Variants in DNAH3 observed in about 807,000 individuals in gnomAD.
The protein encoded by DNAH3 is dynein axonemal heavy chain 3.
Under a neutral mutation model 432.5 loss-of-function variants are expected in DNAH3, and 332 were observed. That is an observed-to-expected ratio of 0.77 (90% CI 0.70 to 0.84). The LOEUF (loss-of-function observed/expected upper bound fraction) is 0.84, where lower values mean the gene tolerates loss of function less well. Among genes scored for constraint, DNAH3 ranks in the 40% least tolerant of loss-of-function variants. The probability of loss-of-function intolerance (pLI) is 0.00; values close to 1 mark genes in which losing one functional copy is unlikely to be tolerated. For missense variants in DNAH3, 4,861 were observed against 5,114.0 expected, an observed-to-expected ratio of 0.95 and a Z score of 1.51; for synonymous variants, 1,956 against 1,900.2, an observed-to-expected ratio of 1.03 and a Z score of -0.76.
chr16:20,976,293 A>C (rs180762013), intron 50 of DNAH3, among the ~76,000 whole-genome samples: 95 of 151,996 alleles, frequency 6.3e-4, no homozygotes, highest in African/African-American at 2.2e-3. Context: ...CCTGGGTTCA[A>C]GCAATTCTCC....
At position 20,976,023 on chromosome 16, in the gene DNAH3, G is replaced by C. The variant is rs914441900; in HGVS notation, c.8077-608C>G. 2.0e-5 allele frequency among the ~76,000 whole-genome samples: 3 copies of C among 152,052 alleles called. No homozygotes were observed. In the East Asian group the frequency reaches 5.8e-4, roughly 29 times the overall value. ...GCCTCCCGAAGTGCTGGGATTACAG[G>C]CATGAGCCACCACGCCCGGCCAAGA... On this transcript the variant is annotated intron_variant, in intron 50 of 61. Coordinates refer to ENST00000261383, the Ensembl canonical transcript of DNAH3.
chr16:21,080,830 G>C (rs747512342), intron 20 of DNAH3, among the ~76,000 whole-genome samples: 1 of 152,210 alleles, frequency 6.6e-6, no homozygotes, highest in Non-Finnish European at 1.5e-5. Context: ...CTCTGTTCTA[G>C]AGGTAGCATC....
In DNAH3 at chr16:20,985,399, G is replaced by A. The variant is rs539642203; in HGVS notation, c.7343C>T (p.Thr2448Ile). Residue 2448 changes from threonine (T) to isoleucine (I), a missense_variant, in exon 48 of 62, where the codon ACA (threonine) becomes ATA (isoleucine). Transcript: ENST00000261383. ...GTATAGCTCGTATGCGTTCATGAAT[G>A]TGGACAGTTTGGCGGCACTTTGCCG... is the stretch of plus-strand genomic sequence containing the variant. 240 of 1,614,172 alleles carry A rather than the reference G, an allele frequency of 1.5e-4. 4 individuals are homozygous for A. In the South Asian group the frequency reaches 2.6e-3, roughly 17 times the overall value.
chr16:21,082,845 A>T lies in DNAH3; in HGVS notation c.2878-1118T>A, dbSNP rs68183019. The stretch of plus-strand genomic sequence containing the variant: ...TCCATCTCAAAAAAAAAAAAAAATT[A>T]ACACAAATGGCTCACGTTATATTTG... On this transcript the variant is annotated intron_variant, in intron 19 of 61. Transcript: ENST00000261383. Among the ~76,000 whole-genome samples the T allele has an allele frequency of 1.9e-3, 60 of 31,908 alleles. 1 individual carries two copies. Among genetic ancestry groups the T allele is most frequent in the East Asian group, 4.1e-3 (4 of 980 alleles). The allele number at this position is 31,908 out of a possible 152,430, so 20.9% of individuals were successfully genotyped here.
chr16:21,107,044 T>C (rs569703856), intron 14 of DNAH3, among the ~76,000 whole-genome samples: 1 of 152,032 alleles, frequency 6.6e-6, no homozygotes, highest in South Asian at 2.1e-4. Flanking sequence ...AGTAACATTA[T>C]CGAAAGCAAC....
In DNAH3 at chr16:21,026,455, C is replaced by T. The variant is rs888538630; in HGVS notation, c.5540+572G>A. On this transcript the variant is annotated intron_variant, in intron 38 of 61. Transcript: ENST00000261383. ...ACGGTGGCTCATGCCTGTAATTCCA[C>T]ACTTTGGGAGGCTGAGGCAGGCAGA... is the stretch of plus-strand genomic sequence containing the variant. Among the ~76,000 whole-genome samples the T allele has an allele frequency of 2.6e-5, 4 of 152,074 alleles. No individual in the cohort carries two copies. The South Asian group carries it at 6.2e-4, about 24-fold the overall frequency.
exon 45 of DNAH3, chr16:20,987,961 A>T: frequency 6.2e-7 from 1 of 1,614,028 alleles, no homozygotes; most frequent in Non-Finnish European, 8.5e-7. Context: ...ATCACATCAA[A>T]CCCTTTCCCG....
intron 1 of DNAH3, among the ~76,000 whole-genome samples, chr16:21,157,292 G>A (rs1184878016): frequency 6.6e-6 from 1 of 150,584 alleles, no homozygotes; most frequent in Admixed American, 6.6e-5. Flanking sequence ...GACAGCCACA[G>A]CCACACTATT....
At chr16:21,062,778 G>A (rs904835544) in intron 24 of DNAH3, 95 bp from the exon 25 acceptor site, 2 of 887,876 alleles carry the variant, frequency 2.3e-6, no homozygotes, top group African/African-American at 3.4e-5. Flanking sequence ...GCACCTACGT[G>A]AATACCAGTT....
chr16:21,005,591 C>T (rs1234538052), intron 41 of DNAH3, among the ~76,000 whole-genome samples: 3 of 151,958 alleles, frequency 2.0e-5, no homozygotes, highest in African/African-American at 7.3e-5. Context: ...GTTGCCCAGG[C>T]TGGTCTCAAA....
At chr16:20,978,998 C>CT (rs1245182423) in intron 50 of DNAH3, among the ~76,000 whole-genome samples, 1 of 151,718 alleles carries the variant, frequency 6.6e-6, no homozygotes, top group African/African-American at 2.4e-5. Flanking sequence ...TGCCCAGGTC[C>CT]CCATAAGGTG....
At chr16:20,954,974 T>C (rs770237103) in exon 55 of DNAH3, 18 of 1,614,032 alleles carry the variant, frequency 1.1e-5, no homozygotes, top group Admixed American at 6.7e-5. Context: ...CCGGAGCCCT[T>C]TGGGGGGCTC....
At chr16:21,155,291 GTTAAAT>G (rs1234307797) in intron 1 of DNAH3, among the ~76,000 whole-genome samples, 2 of 151,594 alleles carry the variant, frequency 1.3e-5, no homozygotes, top group Non-Finnish European at 2.9e-5. Flanking sequence ...AAGGTGCCCA[GTTAAAT>G]TAGAGTTTCA....
intron 24 of DNAH3, 101 bp downstream of exon 24, chr16:21,067,182 T>G (rs1463306802): frequency 1.6e-6 from 2 of 1,269,596 alleles, no homozygotes; most frequent in East Asian, 4.6e-5. Flanking sequence ...GGAAAGAGTA[T>G]GGACTAGATT....
chr16:21,106,409 C>T, intron 15 of DNAH3, 81 bp downstream of exon 15: 1 of 1,115,628 alleles, frequency 9.0e-7, no homozygotes, highest in Non-Finnish European at 1.2e-6. Flanking sequence ...TACATATAGA[C>T]TATTTGAAAT....
chr16:21,054,469 G>T (rs758432418), exon 28 of DNAH3: 3 of 1,614,178 alleles, frequency 1.9e-6, no homozygotes, highest in Admixed American at 3.3e-5. Context: ...GAGCTCCACT[G>T]CTCAGCTTCC....
chr16:21,061,414 G>A (rs2090355965), intron 25 of DNAH3, among the ~76,000 whole-genome samples: 1 of 150,144 alleles, frequency 6.7e-6, no homozygotes. Context: ...AGTAGAGACA[G>A]GGTTTCGCCA....
At chr16:21,067,776 G>GGAGGGAGAGAGAGAGAGAGAGAGAGAGA (rs374291201) in intron 23 of DNAH3, among the ~76,000 whole-genome samples, 4 of 40,892 alleles carry the variant, frequency 9.8e-5, no homozygotes, top group African/African-American at 3.7e-4. Flanking sequence ...GGGTGGGGAG[G>GGAGGGAGAGAGAGAGAGAGAGAGAGAGA]GAGAGAGAGA....
intron 26 of DNAH3, among the ~76,000 whole-genome samples, chr16:21,059,823 T>G (rs1211951727): frequency 6.6e-6 from 1 of 151,518 alleles, no homozygotes; most frequent in Non-Finnish European, 1.5e-5. Flanking sequence ...TCAACGTGAA[T>G]GTGACTACAG....
Sources: gnomAD v4.1 joint callset for allele counts (sites outside exome capture counted in the v4.1 genomes callset) on GRCh38, gnomAD v4.1.1 for gene constraint, MANE v1.5 for transcripts, NCBI Gene and HGNC (gene_info 2026-07-23, HGNC 2026-07-21) for gene names.